Variants in HNRNPLL observed in about 807,000 individuals in gnomAD.
The protein encoded by HNRNPLL is heterogeneous nuclear ribonucleoprotein L-like.
A neutral mutation model predicts 67.1 loss-of-function variants in HNRNPLL; 25 were observed. The observed-to-expected ratio is 0.37, with a 90% CI of 0.27 to 0.52. HNRNPLL has a LOEUF of 0.52. Ranked by LOEUF, HNRNPLL falls within the 20% of genes least tolerant of loss-of-function variation. The pLI is 0.90. For missense variants in HNRNPLL, 542 were observed against 673.9 expected, an observed-to-expected ratio of 0.80 and a Z score of 2.17; for synonymous variants, 267 against 241.7, an observed-to-expected ratio of 1.10 and a Z score of -0.97.
chr2:38,592,763 C>G (rs1240819033), intron 1 of HNRNPLL, among the ~76,000 whole-genome samples: 2 of 152,206 alleles, frequency 1.3e-5, no homozygotes, highest in South Asian at 4.1e-4. Flanking sequence ...TCTCTTGCAT[C>G]GTAACTTCAG....
chr2:38,573,269 G>T lies in HNRNPLL; in HGVS notation c.1033C>A (p.Leu345Ile). The T allele has an allele frequency of 6.2e-7, 1 of 1,610,672 alleles. No individual in the cohort carries two copies. The highest frequency in any genetic ancestry group is 2.2e-5 in the East Asian group (1 of 44,784). Residue 345 changes from leucine to isoleucine, a missense_variant, in exon 8 of 13, where the codon CTA (leucine) becomes ATA (isoleucine). By Grantham distance (5) the Leu-to-Ile change is conservative. Transcript: ENST00000449105. The part of the protein sequence containing the change: ...SVVMVSGLHQ[L>I]KMNCSRVFNL... ...AAGACTCTTGAACAATTCATTTTTA[G>T]TTGATGTAATCCACTAACCATTACA... is the stretch of plus-strand genomic sequence containing the variant.
chr2:38,587,959 G>A (rs988147471), intron 2 of HNRNPLL, among the ~76,000 whole-genome samples: 4 of 151,970 alleles, frequency 2.6e-5, no homozygotes, highest in East Asian at 3.9e-4. Flanking sequence ...CTTTGTGTGC[G>A]CGCTCTCTCT....
chr2:38,602,104 T>C (rs1667462509), intron 1 of HNRNPLL: 2 of 297,634 alleles, frequency 6.7e-6, no homozygotes, highest in South Asian at 4.3e-5. Flanking sequence ...GCCCGAGGAG[T>C]TAAACTAACA....
chr2:38,600,730 C>CT (rs1667399283), intron 1 of HNRNPLL, among the ~76,000 whole-genome samples: 1 of 151,122 alleles, frequency 6.6e-6, no homozygotes, highest in Admixed American at 6.6e-5. Context: ...CAGCCCCGGG[C>CT]CATAGAGTGA....
chr2:38,594,108 G>C (rs1029552263), intron 1 of HNRNPLL, among the ~76,000 whole-genome samples: 12 of 145,712 alleles, frequency 8.2e-5, no homozygotes, highest in African/African-American at 2.8e-4. Context: ...CCAGGAGGCA[G>C]AGCTTGCAGT....
intron 1 of HNRNPLL, chr2:38,599,887 T>C (rs980916555): frequency 2.8e-5 from 13 of 471,174 alleles, no homozygotes; most frequent in African/African-American, 2.2e-4. Context: ...AATGCCATCA[T>C]TGTACCTAAC....
At chr2:38,597,502 G>A (rs764194777) in intron 1 of HNRNPLL, among the ~76,000 whole-genome samples, 4 of 151,996 alleles carry the variant, frequency 2.6e-5, no homozygotes, top group East Asian at 1.9e-4. Flanking sequence ...TTTAACCCAC[G>A]CGATGTTTAA....
chr2:38,593,779 C>T (rs1490464019), intron 1 of HNRNPLL, among the ~76,000 whole-genome samples: 1 of 151,560 alleles, frequency 6.6e-6, no homozygotes, highest in Non-Finnish European at 1.5e-5. Flanking sequence ...CAGAGAATTG[C>T]TTGAACCCAG....
intron 1 of HNRNPLL, among the ~76,000 whole-genome samples, chr2:38,598,553 A>G (rs552156046): frequency 9.8e-5 from 15 of 152,364 alleles, no homozygotes; most frequent in African/African-American, 3.1e-4. Flanking sequence ...AAAAAGCAAT[A>G]TATGATGTAG....
chr2:38,581,700 T>G lies in HNRNPLL; in HGVS notation c.802+213A>C, dbSNP rs914519624. The G allele has an allele frequency of 9.0e-6, 5 of 555,330 alleles. No homozygotes were observed. In the African/African-American group the frequency reaches 9.5e-5, roughly 11 times the overall value. The allele number at this position is 555,330 out of a possible 1,614,324, so 34.4% of individuals were successfully genotyped here. ...GGCGTGCCTGAATGTGTGGGCTCCT[T>G]GTTGAACTAAATATAAATAGCTCAG... On this transcript the variant is annotated intron_variant, in intron 6 of 12. Transcript: ENST00000449105.
intron 2 of HNRNPLL, 123 bp downstream of exon 2, chr2:38,591,407 A>G: frequency 1.5e-6 from 1 of 681,734 alleles, no homozygotes; most frequent in Non-Finnish European, 2.7e-6. Context: ...GGCAAACAAT[A>G]GATACTACTT....
intron 6 of HNRNPLL, chr2:38,581,200 G>C (rs186651052): frequency 6.6e-6 from 1 of 152,346 alleles, no homozygotes; most frequent in East Asian, 1.9e-4. Context: ...GCTGCACACA[G>C]TCACAGTAAT....
At chr2:38,578,827 A>C (rs1315187576) in intron 6 of HNRNPLL, among the ~76,000 whole-genome samples, 1 of 152,088 alleles carries the variant, frequency 6.6e-6, no homozygotes, top group Non-Finnish European at 1.5e-5. Flanking sequence ...TTACAGACTT[A>C]GTCGTTGGCC....
intron 6 of HNRNPLL, 69 bp downstream of exon 6, chr2:38,581,844 A>G: frequency 9.9e-7 from 1 of 1,007,786 alleles, no homozygotes; most frequent in Non-Finnish European, 1.6e-6. Context: ...TCTCAGGAAA[A>G]AAGAATCTAA....
intron 4 of HNRNPLL, 111 bp from the exon 5 acceptor site, chr2:38,582,279 G>T: frequency 1.3e-6 from 1 of 755,040 alleles, no homozygotes; most frequent in Non-Finnish European, 2.3e-6. Flanking sequence ...TTCTGGAAAT[G>T]TTTTACCAAT....
Position 38,602,746 on chromosome 2 carries a change from C to A in HNRNPLL, c.-120G>T. The A allele has an allele frequency of 6.6e-7, 1 of 1,505,818 alleles. No individual in the cohort carries two copies. The highest frequency in any genetic ancestry group is 8.9e-7 in the Non-Finnish European group (1 of 1,126,496). 93.3% of individuals were successfully genotyped at this position (1,505,818 alleles called of 1,614,324 possible). A position where few individuals can be genotyped will look rare whatever the true frequency, so the allele number is the denominator to read the frequency against. On this transcript the variant is annotated 5_prime_UTR_variant, in exon 1 of 13. Coordinates refer to ENST00000449105, the MANE Select transcript of HNRNPLL (RefSeq NM_138394.4). Reference sequence around the variant, plus strand: ...CCTCTTCTGCGAGGGTCTCCGCGGCCCGGCCGTCCGCGGGGACTGCGCGGC... The same window carrying A: ...CCTCTTCTGCGAGGGTCTCCGCGGCACGGCCGTCCGCGGGGACTGCGCGGC...
intron 12 of HNRNPLL, among the ~76,000 whole-genome samples, chr2:38,567,129 AG>A (rs1441687296): frequency 5.3e-5 from 8 of 152,058 alleles, no homozygotes; most frequent in Non-Finnish European, 1.2e-4. Flanking sequence ...TTTGAGACGG[AG>A]TCTTGCTCTG....
chr2:38,590,557 T>A (rs551414220), intron 2 of HNRNPLL, among the ~76,000 whole-genome samples: 1 of 152,158 alleles, frequency 6.6e-6, no homozygotes, highest in Non-Finnish European at 1.5e-5. Flanking sequence ...CAAAAATAAT[T>A]TAGAATTTTT....
intron 1 of HNRNPLL, among the ~76,000 whole-genome samples, chr2:38,600,545 T>C (rs1414185620): frequency 6.6e-6 from 1 of 151,938 alleles, no homozygotes; most frequent in Non-Finnish European, 1.5e-5. Flanking sequence ...TTTGGCAATA[T>C]GGTGAAACCC....
Sources: allele counts gnomAD v4.1 joint callset (sites outside exome capture counted in the v4.1 genomes callset), GRCh38; gene constraint gnomAD v4.1.1; transcripts MANE v1.5; gene names NCBI Gene and HGNC (gene_info 2026-07-23, HGNC 2026-07-21).